Variants in GSK3B observed in about 807,000 individuals in gnomAD.
GSK3B encodes glycogen synthase kinase-3 beta.
Under a neutral mutation model 56.4 loss-of-function variants are expected in GSK3B, and 15 were observed. That is an observed-to-expected ratio of 0.27 (90% CI 0.18 to 0.41). The LOEUF is 0.41. GSK3B is among the 10% of genes least tolerant of loss of function. The pLI, the probability that GSK3B is intolerant of heterozygous loss-of-function variation, is 1.00. For missense variants in GSK3B, 300 were observed against 513.4 expected (o/e 0.58, Z 4.02); for synonymous variants, 181 against 188.9 (o/e 0.96, Z 0.34).
chr3:119,980,358 ATTTT>A (rs548342695), intron 2 of GSK3B, among the ~76,000 whole-genome samples: 1 of 147,376 alleles, frequency 6.8e-6, no homozygotes. Flanking sequence ...TGCTTGTGTC[ATTTT>A]TTTTTTTAAG....
At chr3:119,996,962 C>G (rs796887868) in intron 2 of GSK3B, among the ~76,000 whole-genome samples, 9 of 152,102 alleles carry the variant, frequency 5.9e-5, no homozygotes, top group African/African-American at 2.2e-4. Flanking sequence ...GCAAAACCGA[C>G]TGAATATTAT....
At chr3:120,039,878 A>G (rs982853640) in intron 1 of GSK3B, among the ~76,000 whole-genome samples, 1 of 152,146 alleles carries the variant, frequency 6.6e-6, no homozygotes, top group Non-Finnish European at 1.5e-5. Context: ...ATCTCCAACA[A>G]ATCTGCGGGC....
rs775934133 is a variant in GSK3B, at chr3:119,826,820, C to T, written c.1231G>A (p.Ala411Thr). 14 of 1,613,090 alleles carry T rather than the reference C, an allele frequency of 8.7e-6. No individual in the cohort carries two copies. The highest frequency in any genetic ancestry group is 1.7e-4 in the Middle Eastern group (1 of 6,056). The change falls in exon 11 of 11, where the codon GCT (alanine) becomes ACT (threonine). Residue 411 changes from alanine to threonine, a missense_variant. By Grantham distance (58) the Ala-to-Thr change is moderately conservative (BLOSUM62 0). Around this residue, in one of 6 missense-constraint regions of GSK3B, gnomAD observed 88 missense variants for 92.7 expected, o/e 0.95. Transcript: ENST00000264235. ...NTGDRGQTNNAASASASNST is the reference protein window; with the variant it reads ...NTGDRGQTNNTASASASNST ...GAGTTGGAAGCTGATGCAGAAGCAG[C>T]ATTATTGGTCTGTCCACGGTCTCCA... is the stretch of plus-strand genomic sequence containing the variant.
At chr3:120,069,404 T>A (rs112446701) in intron 1 of GSK3B, among the ~76,000 whole-genome samples, 3,945 of 152,272 alleles carry the variant, frequency 0.026, 175 homozygotes, top group African/African-American at 0.089. Context: ...TTAACTCAAT[T>A]CACAGTTAAT....
chr3:119,928,579 T>TGGGAGATAGAGCGA (rs2056910213), intron 3 of GSK3B, among the ~76,000 whole-genome samples: 2 of 124,558 alleles, frequency 1.6e-5, no homozygotes, highest in African/African-American at 6.3e-5. Context: ...CACTCCAGCC[T>TGGGAGATAGAGCGA]GGGAGATAGA....
At chr3:119,956,479 T>A (rs1248371498) in intron 2 of GSK3B, among the ~76,000 whole-genome samples, 1 of 150,578 alleles carries the variant, frequency 6.6e-6, no homozygotes, top group Non-Finnish European at 1.5e-5. Context: ...GCCTTCCTAA[T>A]CTGAAAATCC....
At chr3:120,020,716 T>C (rs537071438) in intron 1 of GSK3B, among the ~76,000 whole-genome samples, 1 of 152,158 alleles carries the variant, frequency 6.6e-6, no homozygotes, top group Admixed American at 6.5e-5. Context: ...GTCACCTATC[T>C]CTCACTTTAA....
chr3:119,969,449 G>GT (rs1254952342), intron 2 of GSK3B, among the ~76,000 whole-genome samples: 1 of 152,198 alleles, frequency 6.6e-6, no homozygotes. Flanking sequence ...ATTCAATGCA[G>GT]TATCAATCAG....
chr3:120,036,792 C>CAAAAAA (rs560163237), intron 1 of GSK3B, among the ~76,000 whole-genome samples: 16 of 64,276 alleles, frequency 2.5e-4, no homozygotes, highest in African/African-American at 7.8e-4. Context: ...GACTCCGACT[C>CAAAAAA]AAAAAAAAAA....
intron 10 of GSK3B, among the ~76,000 whole-genome samples, chr3:119,833,797 G>A (rs1392176519): frequency 6.7e-6 from 1 of 150,272 alleles, no homozygotes. Context: ...CTGGGTTCAA[G>A]GGATTCTCCT....
chr3:120,069,786 T>C (rs910264618), intron 1 of GSK3B, among the ~76,000 whole-genome samples: 3 of 152,194 alleles, frequency 2.0e-5, no homozygotes, highest in Admixed American at 6.5e-5. Flanking sequence ...CAACATTTCC[T>C]GATTACGAAT....
intron 1 of GSK3B, among the ~76,000 whole-genome samples, chr3:120,053,709 C>T (rs1310363937): frequency 6.6e-6 from 1 of 152,192 alleles, no homozygotes; most frequent in Non-Finnish European, 1.5e-5. Context: ...GAGGGACCCA[C>T]ATTGTATCAT....
At chr3:119,964,426 G>GT (rs924878962) in intron 2 of GSK3B, among the ~76,000 whole-genome samples, 2 of 152,118 alleles carry the variant, frequency 1.3e-5, no homozygotes, top group Non-Finnish European at 2.9e-5. Flanking sequence ...AATATTACAA[G>GT]TTTTTTTAAT....
intron 1 of GSK3B, among the ~76,000 whole-genome samples, chr3:120,050,669 T>C (rs1266206760): frequency 6.6e-6 from 1 of 152,158 alleles, no homozygotes; most frequent in Non-Finnish European, 1.5e-5. Context: ...GGTTTCATTC[T>C]GTTTAGGGGA....
rs116682457 is a variant in GSK3B, at chr3:119,938,408, T to C, written c.366+8860A>G. Among the ~76,000 whole-genome samples, 642 of 152,136 alleles carry C rather than the reference T, an allele frequency of 4.2e-3. 1 individual carries two copies. The highest frequency in any genetic ancestry group is 0.015 in the African/African-American group (606 of 41,522). On this transcript the variant is annotated intron_variant, in intron 3 of 10. Coordinates refer to ENST00000264235, the MANE Select transcript of GSK3B (RefSeq NM_001146156.2). ...TACTAGAATATGAAATCTAATAGCA[T>C]ATTAAAAGGATTATACCCCATGACC... is the stretch of plus-strand genomic sequence containing the variant.
chr3:120,050,303 T>A (rs76003546), intron 1 of GSK3B, among the ~76,000 whole-genome samples: 1 of 152,184 alleles, frequency 6.6e-6, no homozygotes, highest in Admixed American at 6.5e-5. Context: ...CACTGCCACA[T>A]TGATGATCGA....
At chr3:120,035,457 T>C (rs2058014249) in intron 1 of GSK3B, among the ~76,000 whole-genome samples, 1 of 152,260 alleles carries the variant, frequency 6.6e-6, no homozygotes. Context: ...TGTATTTCCA[T>C]ATGAATTTTA....
At chr3:120,078,541 T>A (rs2058385737) in intron 1 of GSK3B, among the ~76,000 whole-genome samples, 2 of 145,400 alleles carry the variant, frequency 1.4e-5, no homozygotes, top group South Asian at 4.4e-4. Context: ...CTAGAACTTC[T>A]CCTCTTTTTT....
chr3:119,875,427 T>C (rs2056299468), intron 8 of GSK3B, among the ~76,000 whole-genome samples: 1 of 152,018 alleles, frequency 6.6e-6, no homozygotes. Context: ...TGAATTGTTA[T>C]ATGTACATTT....
Sources: gnomAD v4.1 joint callset for allele counts (sites outside exome capture counted in the v4.1 genomes callset) on GRCh38, gnomAD v4.1.1 for gene constraint, gnomAD v4.1.1 regional missense constraint, MANE v1.5 for transcripts, NCBI Gene and HGNC (gene_info 2026-07-23, HGNC 2026-07-21) for gene names.